The following TMEM161A variants were observed in gnomAD, a reference collection of about 807,000 sequenced individuals.
The protein encoded by TMEM161A is transmembrane protein 161A, also known as adaptive response to oxidative stress protein 29.
TMEM161A carries 46 observed loss-of-function variants against 57.1 expected under a neutral mutation model. The ratio of observed to expected loss-of-function variants is 0.81; its 90% CI spans 0.64 to 1.03. TMEM161A has a LOEUF of 1.03. TMEM161A is among the 50% of genes least tolerant of loss of function. The pLI is 0.00. For synonymous variants in TMEM161A, 288 were observed against 279.0 expected (o/e 1.03, Z -0.32); for missense variants, 601 against 621.5 (o/e 0.97, Z 0.35).
intron 1 of TMEM161A, among the ~76,000 whole-genome samples, chr19:19,135,844 G>A (rs1272832459): frequency 6.6e-6 from 1 of 152,134 alleles, no homozygotes; most frequent in Non-Finnish European, 1.5e-5. Flanking sequence ...CCAAACGGTT[G>A]GGATTACAGG....
intron 1 of TMEM161A, among the ~76,000 whole-genome samples, chr19:19,135,695 G>C (rs922705865): frequency 1.3e-4 from 20 of 152,062 alleles, no homozygotes; most frequent in Non-Finnish European, 2.6e-4. Flanking sequence ...TCCCACATCA[G>C]CCTCCCTAGT....
chr19:19,123,838 G>C (rs2059920483), intron 6 of TMEM161A, among the ~76,000 whole-genome samples: 1 of 152,146 alleles, frequency 6.6e-6, no homozygotes, highest in South Asian at 2.1e-4. Flanking sequence ...AAGACGGGCA[G>C]ATCACAAAGT....
At chr19:19,133,381 G>A in intron 2 of TMEM161A, 171 bp from the exon 3 acceptor site, 1 of 613,700 alleles carries the variant, frequency 1.6e-6, no homozygotes, top group East Asian at 2.9e-5. Context: ...GAGACCAACA[G>A]ATCTAGGCTG....
At chr19:19,127,810 T>G (rs1291690451) in intron 6 of TMEM161A, among the ~76,000 whole-genome samples, 1 of 151,426 alleles carries the variant, frequency 6.6e-6, no homozygotes. Context: ...TGTGGTGGCA[T>G]GTGCCTGTGG....
At chr19:19,136,686 A>C (rs932529743) in intron 1 of TMEM161A, among the ~76,000 whole-genome samples, 1 of 152,100 alleles carries the variant, frequency 6.6e-6, no homozygotes, top group Non-Finnish European at 1.5e-5. Flanking sequence ...ATAAAATAAA[A>C]ATACATAAAA....
In TMEM161A at chr19:19,132,710, C is replaced by T. The variant is rs776637297; in HGVS notation, c.233G>A (p.Arg78Gln). 1.3e-5 allele frequency: 21 copies of T among 1,578,950 alleles called. No individual in the cohort carries two copies. Among genetic ancestry groups the T allele is most frequent in the Admixed American group, 1.8e-5 (1 of 54,830 alleles). Residue 78 changes from arginine to glutamine, a missense_variant, in exon 4 of 12, where the codon CGA (arginine) becomes CAA (glutamine). Arg to Gln is a conservative substitution (Grantham distance 43). Coordinates refer to ENST00000162044, the MANE Select transcript of TMEM161A (RefSeq NM_017814.3). This position sits in a 1 kb window ranked among gnomAD's most constrained non-coding sequence, Gnocchi z 4.3. ...GGTCTCCAGCTGGAACGGGGCATCTCGGGGCACAGACAGTGGCTTCTCCTC... is the reference window on the plus strand; with the variant it reads ...GGTCTCCAGCTGGAACGGGGCATCTTGGGGCACAGACAGTGGCTTCTCCTC... ...LSEEKPLSVPRDAPFQLETCP... is the reference protein window; with the variant it reads ...LSEEKPLSVPQDAPFQLETCP...
At position 19,121,104 on chromosome 19, in the gene TMEM161A, C is replaced by G. The variant is rs766885746; in HGVS notation, c.977G>C (p.Arg326Pro). ...CAGGTGGGGCCGGGTCACCGCCAGCCGCAGCAGGCACAGCACCACCAGCAA... is the reference window on the plus strand; with the variant it reads ...CAGGTGGGGCCGGGTCACCGCCAGCGGCAGCAGGCACAGCACCACCAGCAA... The part of the protein sequence containing the change: ...LWLLVVLCLL[R>P]LAVTRPHLQA... The change falls in exon 10 of 12, where the codon CGG becomes CCG. Residue 326 changes from arginine to proline, a missense_variant. Coordinates refer to ENST00000162044, the MANE Select transcript of TMEM161A (RefSeq NM_017814.3). This position sits in a 1 kb window ranked among gnomAD's most constrained non-coding sequence, Gnocchi z 5.8. 4 of 1,611,790 alleles carry G rather than the reference C, an allele frequency of 2.5e-6. No homozygotes were observed. Among genetic ancestry groups the G allele is most frequent in the Non-Finnish European group, 3.4e-6 (4 of 1,179,438 alleles).
intron 6 of TMEM161A, among the ~76,000 whole-genome samples, chr19:19,122,729 T>A (rs1304511440): frequency 7.8e-6 from 1 of 128,998 alleles, no homozygotes; most frequent in East Asian, 2.3e-4. Context: ...TGAGCTGAGA[T>A]CATGCCACTG....
chr19:19,134,760 T>A lies in TMEM161A; in HGVS notation c.107+24A>T. On this transcript the variant is annotated intron_variant, in intron 2 of 11. Transcript: ENST00000162044. ...AAGGGGGCGTGACTCCGCGGGCCCC[T>A]CCCACCGCCGGGGCGGGGCTCACCT... The A allele has an allele frequency of 2.6e-6, 4 of 1,527,768 alleles. No individual in the cohort carries two copies. The South Asian group carries it at 4.8e-5, about 18-fold the overall frequency. The allele number at this position is 1,527,768 out of a possible 1,614,324, so 94.6% of individuals were successfully genotyped here.
chr19:19,128,230 T>G (rs797015540), intron 6 of TMEM161A, among the ~76,000 whole-genome samples: 66 of 129,278 alleles, frequency 5.1e-4, no homozygotes, highest in African/African-American at 2.0e-3. Flanking sequence ...TAAATAGACT[T>G]TTTTTTTTTT....
chr19:19,130,542 C>T (rs934556313), intron 5 of TMEM161A: 8 of 546,510 alleles, frequency 1.5e-5, no homozygotes, highest in African/African-American at 3.8e-5. Context: ...TACAGCCTCC[C>T]GCCCTGGGTG....
intron 10 of TMEM161A, 53 bp downstream of exon 10, chr19:19,120,938 AC>A: frequency 6.2e-7 from 1 of 1,610,078 alleles, no homozygotes; most frequent in Non-Finnish European, 8.5e-7. Context: ...AGGACCAGGA[AC>A]CCCACCCTGA....
At chr19:19,138,386 G>A in intron 1 of TMEM161A, 40 bp downstream of exon 1, 1 of 1,594,712 alleles carries the variant, frequency 6.3e-7, no homozygotes, top group Non-Finnish European at 8.5e-7. Context: ...GCTGGACCTC[G>A]GCCCTGCAGA....
Position 19,132,587 on chromosome 19 carries a change from C to T in TMEM161A, c.286+70G>A. 1 of 1,574,096 alleles carries T rather than the reference C, an allele frequency of 6.4e-7. No homozygotes were observed. Among genetic ancestry groups the T allele is most frequent in the Non-Finnish European group, 8.6e-7 (1 of 1,158,972 alleles). On this transcript the variant is annotated intron_variant, in intron 4 of 11. Coordinates refer to ENST00000162044, the MANE Select transcript of TMEM161A (RefSeq NM_017814.3). The surrounding 1 kb of genome is among the most constrained non-coding windows in gnomAD (Gnocchi z 4.3). The stretch of plus-strand genomic sequence containing the variant: ...GAACATTCTTCCTTCAAATCCTCCC[C>T]ACCCCCATGAGGGTGTGGAGACCTT...
chr19:19,121,213 A>AC lies in TMEM161A; in HGVS notation c.915-48dup. ...CAAGGGACTAAGAAGGTCGCCCCCG[A>AC]CCCCCCAGGATCTTCCCCAGGCTCC... On this transcript the variant is annotated intron_variant, in intron 9 of 11. Coordinates refer to ENST00000162044, the MANE Select transcript of TMEM161A (RefSeq NM_017814.3). The surrounding 1 kb of genome is among the most constrained non-coding windows in gnomAD (Gnocchi z 5.8). 1 of 1,551,660 alleles carries AC rather than the reference A, an allele frequency of 6.4e-7. No individual in the cohort carries two copies. Among genetic ancestry groups the AC allele is most frequent in the African/African-American group, 1.4e-5 (1 of 73,266 alleles).
chr19:19,137,579 C>A (rs912750424), intron 1 of TMEM161A, among the ~76,000 whole-genome samples: 2 of 152,234 alleles, frequency 1.3e-5, no homozygotes, highest in Admixed American at 6.5e-5. Flanking sequence ...CCTCCCTCCT[C>A]ATTCCCGGGA....
intron 6 of TMEM161A, among the ~76,000 whole-genome samples, chr19:19,124,452 T>A (rs576618063): frequency 1.3e-5 from 2 of 152,306 alleles, no homozygotes; most frequent in East Asian, 3.9e-4. Context: ...ATAGGGCAAA[T>A]CTTACCAAAT....
intron 5 of TMEM161A, among the ~76,000 whole-genome samples, chr19:19,131,378 G>A (rs1568537666): frequency 6.6e-6 from 1 of 152,056 alleles, no homozygotes; most frequent in Admixed American, 6.6e-5. Context: ...CTCTTTGGGA[G>A]GCCAAGGCAG....
chr19:19,121,062 A>T lies in TMEM161A; in HGVS notation c.1019T>A (p.Leu340Gln), dbSNP rs1305171368. 6.2e-7 allele frequency: 1 copy of T among 1,611,818 alleles called. No homozygotes were observed. The highest frequency in any genetic ancestry group is 8.5e-7 in the Non-Finnish European group (1 of 1,179,492). The change falls in exon 10 of 12, where the codon CTG becomes CAG. Residue 340 changes from leucine to glutamine, a missense_variant. Transcript: ENST00000162044. The surrounding 1 kb of genome is among the most constrained non-coding windows in gnomAD (Gnocchi z 5.8). ...CAGCTGCTCCACCCGGGCCTTGGCC[A>T]GGCACAGGTAGGCCTGCAGGTGGGG... Reference protein sequence around the residue: ...TRPHLQAYLCLAKARVEQLRR... With the variant: ...TRPHLQAYLCQAKARVEQLRR...
Sources: gnomAD v4.1 joint callset for allele counts (sites outside exome capture counted in the v4.1 genomes callset) on GRCh38, gnomAD v4.1.1 for gene constraint, Gnocchi (gnomAD v3.1) non-coding constraint, MANE v1.5 for transcripts, NCBI Gene and HGNC (gene_info 2026-07-23, HGNC 2026-07-21) for gene names.